The following TAFA1 variants were observed in gnomAD, a reference collection of about 807,000 sequenced individuals.
TAFA1 encodes the protein TAFA chemokine like family member 1, also known as chemokine-like protein TAFA-1.
TAFA1 carries 4 observed loss-of-function variants against 18.5 expected under a neutral mutation model. The ratio of observed to expected loss-of-function variants is 0.22; its 90% CI spans 0.11 to 0.49. The LOEUF is 0.49. Among genes scored for constraint, TAFA1 ranks in the 20% least tolerant of loss-of-function variants. The pLI is 0.98. For synonymous variants in TAFA1, 56 were observed against 55.2 expected (o/e 1.01, Z -0.06); for missense variants, 147 against 169.0 (o/e 0.87, Z 0.72).
chr3:68,215,330 A>G (rs1287526308), intron 2 of TAFA1, among the ~76,000 whole-genome samples: 1 of 152,096 alleles, frequency 6.6e-6, no homozygotes, highest in African/African-American at 2.4e-5. Flanking sequence ...AATTTAGGCT[A>G]TGTGGCCTTT....
intron 2 of TAFA1, among the ~76,000 whole-genome samples, chr3:68,369,934 C>G (rs907256270): frequency 6.6e-6 from 1 of 152,116 alleles, no homozygotes; most frequent in South Asian, 2.1e-4. Context: ...TTAAGGCACT[C>G]AGGAAGCTGA....
chr3:68,071,819 G>A (rs966571493), intron 2 of TAFA1, among the ~76,000 whole-genome samples: 6 of 152,112 alleles, frequency 3.9e-5, no homozygotes, highest in Admixed American at 6.5e-5. Flanking sequence ...AAGGCAAAGC[G>A]AGGAAGAGGC....
chr3:68,150,221 TAAGATACA>T (rs1166025826), intron 2 of TAFA1, among the ~76,000 whole-genome samples: 1 of 152,228 alleles, frequency 6.6e-6, no homozygotes, highest in African/African-American at 2.4e-5. Flanking sequence ...TGCAGTTTCC[TAAGATACA>T]AAGACGAATG....
chr3:68,261,732 C>T (rs1190195091), intron 2 of TAFA1, among the ~76,000 whole-genome samples: 1 of 151,954 alleles, frequency 6.6e-6, no homozygotes, highest in African/African-American at 2.4e-5. Context: ...CACATGGATA[C>T]AGGAAGGGGA....
intron 2 of TAFA1, among the ~76,000 whole-genome samples, chr3:68,224,549 CT>C (rs1190613075): frequency 6.6e-6 from 1 of 152,074 alleles, no homozygotes; most frequent in African/African-American, 2.4e-5. Flanking sequence ...TGTTTGTTTC[CT>C]GAAAGCTTTC....
At chr3:68,174,412 A>T (rs940637974) in intron 2 of TAFA1, among the ~76,000 whole-genome samples, 2 of 152,050 alleles carry the variant, frequency 1.3e-5, no homozygotes, top group African/African-American at 2.4e-5. Flanking sequence ...CTTCCTGGAG[A>T]CTTGTTGAAT....
chr3:68,047,834 A>G (rs982934514), intron 2 of TAFA1, among the ~76,000 whole-genome samples: 11 of 152,164 alleles, frequency 7.2e-5, no homozygotes, highest in African/African-American at 2.7e-4. Context: ...TGATAGCTGT[A>G]GAGACTTCAG....
chr3:68,189,243 A>G (rs1176464835), intron 2 of TAFA1, among the ~76,000 whole-genome samples: 2 of 151,950 alleles, frequency 1.3e-5, no homozygotes, highest in Non-Finnish European at 2.9e-5. Context: ...AGCACTTTCC[A>G]TTTCATCCTT....
At chr3:68,447,766 C>T (rs918307984) in intron 3 of TAFA1, among the ~76,000 whole-genome samples, 1 of 152,198 alleles carries the variant, frequency 6.6e-6, no homozygotes, top group Non-Finnish European at 1.5e-5. Flanking sequence ...TTAGTAGCTG[C>T]TGCAAGCCTG....
chr3:68,328,493 G>A (rs2068811588), intron 2 of TAFA1, among the ~76,000 whole-genome samples: 1 of 152,126 alleles, frequency 6.6e-6, no homozygotes, highest in Admixed American at 6.6e-5. Flanking sequence ...TGCTGGGCCG[G>A]GAAGCTAGTC....
At position 68,535,675 on chromosome 3, in the gene TAFA1, A is replaced by T. The variant is rs113216052; in HGVS notation, c.260-3081A>T. On this transcript the variant is annotated intron_variant, in intron 3 of 4. Transcript: ENST00000478136. ...GACATGACTTTGCATATAGAATCCT[A>T]CTGTCGACCTAAAGGGAAGAGCCTG... Among the ~76,000 whole-genome samples, 3 of 152,318 alleles carry T rather than the reference A, an allele frequency of 2.0e-5. 1 individual carries two copies. The highest frequency in any genetic ancestry group is 2.1e-4 in the South Asian group (1 of 4,828).
intron 2 of TAFA1, among the ~76,000 whole-genome samples, chr3:68,363,266 GA>G (rs1159448036): frequency 5.3e-5 from 8 of 152,262 alleles, no homozygotes; most frequent in Non-Finnish European, 8.8e-5. Flanking sequence ...GTGAATGAAT[GA>G]GAGCGGCACA....
At chr3:68,023,012 CAGAGAGG>C (rs1704731567) in intron 2 of TAFA1, among the ~76,000 whole-genome samples, 1 of 145,178 alleles carries the variant, frequency 6.9e-6, no homozygotes, top group African/African-American at 2.6e-5. Flanking sequence ...AAATCAGGCT[CAGAGAGG>C]TTAAATAACT....
chr3:68,346,412 C>T (rs556849984), intron 2 of TAFA1, among the ~76,000 whole-genome samples: 61 of 152,260 alleles, frequency 4.0e-4, no homozygotes, highest in Middle Eastern at 3.4e-3. Flanking sequence ...CCCACCTCAG[C>T]CTCTCAAAGT....
chr3:68,026,004 A>C (rs1050250351), intron 2 of TAFA1, among the ~76,000 whole-genome samples: 6 of 152,192 alleles, frequency 3.9e-5, no homozygotes, highest in African/African-American at 1.4e-4. Context: ...GGGCAAAAAG[A>C]AGGCTCTTAA....
chr3:68,454,676 A>G (rs991465519), intron 3 of TAFA1, among the ~76,000 whole-genome samples: 3 of 152,050 alleles, frequency 2.0e-5, no homozygotes, highest in South Asian at 4.1e-4. Context: ...ACTGTTTCAG[A>G]TCTTCCTTTC....
At chr3:68,450,989 C>T (rs969360985) in intron 3 of TAFA1, among the ~76,000 whole-genome samples, 8 of 152,138 alleles carry the variant, frequency 5.3e-5, no homozygotes, top group African/African-American at 1.7e-4. Context: ...CATTACTTTC[C>T]TGAAGAAACA....
intron 3 of TAFA1, among the ~76,000 whole-genome samples, chr3:68,537,668 A>T (rs1321616046): frequency 1.3e-5 from 2 of 152,126 alleles, no homozygotes; most frequent in Non-Finnish European, 2.9e-5. Flanking sequence ...ATGAAAGAAA[A>T]CTTTGCTGGA....
At chr3:68,118,034 A>G (rs1194563220) in intron 2 of TAFA1, among the ~76,000 whole-genome samples, 1 of 152,128 alleles carries the variant, frequency 6.6e-6, no homozygotes, top group Non-Finnish European at 1.5e-5. Context: ...AATTTTTTTC[A>G]TGGACCGAGG....
Sources: allele counts gnomAD v4.1 joint callset (sites outside exome capture counted in the v4.1 genomes callset), GRCh38; gene constraint gnomAD v4.1.1; transcripts MANE v1.5; gene names NCBI Gene and HGNC (gene_info 2026-07-23, HGNC 2026-07-21).